Variants in STXBP5 observed in about 807,000 individuals in gnomAD.
STXBP5 encodes syntaxin-binding protein 5.
In STXBP5, 50 loss-of-function variants were observed where a neutral mutation model predicts 152.4. The ratio of observed to expected loss-of-function variants is 0.33; its 90% CI spans 0.26 to 0.42. The LOEUF is 0.42. STXBP5 is among the 10% of genes least tolerant of loss of function. The pLI is 1.00. For missense variants in STXBP5, 1,167 were observed against 1,388.6 expected, an observed-to-expected ratio of 0.84 and a Z score of 2.54; for synonymous variants, 492 against 494.7, an observed-to-expected ratio of 0.99 and a Z score of 0.07.
At chr6:147,209,028 T>G (rs1012718346) in intron 2 of STXBP5, among the ~76,000 whole-genome samples, 3 of 152,136 alleles carry the variant, frequency 2.0e-5, no homozygotes, top group African/African-American at 7.2e-5. Flanking sequence ...TTTAATAATG[T>G]TACTGTCTTT....
chr6:147,267,472 G>A (rs534903115), intron 7 of STXBP5, among the ~76,000 whole-genome samples: 5 of 152,054 alleles, frequency 3.3e-5, no homozygotes, highest in African/African-American at 7.2e-5. Flanking sequence ...TCTTTTGTAC[G>A]AATGATAGTA....
At position 147,296,636 on chromosome 6, in the gene STXBP5, G is replaced by A. The variant is rs536468225; in HGVS notation, c.917+5464G>A. Among the ~76,000 whole-genome samples the A allele has an allele frequency of 4.6e-5, 7 of 152,198 alleles. No individual in the cohort carries two copies. The South Asian group carries it at 1.5e-3, about 32-fold the overall frequency. On this transcript the variant is annotated intron_variant, in intron 9 of 27. Coordinates refer to ENST00000321680, the MANE Select transcript of STXBP5 (RefSeq NM_001127715.4). ...TTCTTCAGTGACAGAATCCAAAGAA[G>A]AGGAAATTTACAATATGCCCATAAA...
chr6:147,388,661 T>C lies in STXBP5; in HGVS notation c.*3906T>C, dbSNP rs970717031. ...TCACACATGAACAGGAAAGATATCA[T>C]TTCTATGCTTTAAAAAACCCTCTAT... On this transcript the variant is annotated 3_prime_UTR_variant, in exon 28 of 28. Coordinates refer to ENST00000321680, the MANE Select transcript of STXBP5 (RefSeq NM_001127715.4). 3 of 151,332 alleles carry C rather than the reference T, an allele frequency of 2.0e-5. No homozygotes were observed. The highest frequency in any genetic ancestry group is 4.4e-5 in the Non-Finnish European group (3 of 67,560). 9.4% of individuals were successfully genotyped at this position (151,332 alleles called of 1,614,324 possible).
intron 9 of STXBP5, among the ~76,000 whole-genome samples, chr6:147,301,703 T>C (rs566170743): frequency 1.4e-4 from 21 of 152,226 alleles, no homozygotes; most frequent in Non-Finnish European, 2.8e-4. Context: ...CCATTCACTT[T>C]CTTGTTTTTA....
chr6:147,341,355 A>G (rs1784084723), intron 21 of STXBP5, among the ~76,000 whole-genome samples: 1 of 152,168 alleles, frequency 6.6e-6, no homozygotes, highest in Non-Finnish European at 1.5e-5. Context: ...TTTGTGCATG[A>G]AGCTGTGGTG....
chr6:147,282,895 G>C (rs190645827), intron 8 of STXBP5, among the ~76,000 whole-genome samples: 78 of 152,186 alleles, frequency 5.1e-4, no homozygotes, highest in African/African-American at 1.8e-3. Flanking sequence ...TGCTAGACCA[G>C]GGGTGCCTTC....
At position 147,386,292 on chromosome 6, in the gene STXBP5, G is replaced by C. The variant is rs948395271; in HGVS notation, c.*1537G>C. ...TTGTTTTTTCATTAAGAGATAATCA[G>C]AGCACAAATTGATAGTAAACAGGAT... On this transcript the variant is annotated 3_prime_UTR_variant, in exon 28 of 28. Transcript: ENST00000321680. The C allele has an allele frequency of 6.6e-6, 1 of 151,732 alleles. No homozygotes were observed. Among genetic ancestry groups the C allele is most frequent in the Non-Finnish European group, 1.5e-5 (1 of 67,790 alleles). 9.4% of individuals were successfully genotyped at this position (151,732 alleles called of 1,614,324 possible).
In STXBP5 at chr6:147,219,075, G is replaced by T. The variant is rs138227923; in HGVS notation, c.248+13007G>T. On this transcript the variant is annotated intron_variant, in intron 2 of 27. Coordinates refer to ENST00000321680, the MANE Select transcript of STXBP5 (RefSeq NM_001127715.4). ...TGTTTTGCTATTAAGTGTGTTAGCT[G>T]TAGTTTTTATGTAGATGTTCTTTAT... is the stretch of plus-strand genomic sequence containing the variant. 6.1e-3 allele frequency among the ~76,000 whole-genome samples: 922 copies of T among 152,262 alleles called. 7 individuals carry two copies. Among genetic ancestry groups the T allele is most frequent in the Non-Finnish European group, 7.3e-3 (497 of 68,020 alleles).
At position 147,313,968 on chromosome 6, in the gene STXBP5, G is replaced by A; in HGVS notation, c.1230G>A (p.Val410=). The change falls in exon 12 of 28, where the codon GTG becomes GTA. Residue 410 remains valine, a synonymous_variant. Coordinates refer to ENST00000321680, the MANE Select transcript of STXBP5 (RefSeq NM_001127715.4). ...TCCEYFADCP[V]DLIPALYSVG... is the part of the protein sequence containing the mutation. ...GCGAATATTTTGCGGATTGTCCTGT[G>A]GACCTTATTCCTGCACTTTATTCTG... 6.2e-7 allele frequency: 1 copy of A among 1,605,082 alleles called. No homozygotes were observed. Among genetic ancestry groups the A allele is most frequent in the Non-Finnish European group, 8.5e-7 (1 of 1,174,144 alleles).
intron 2 of STXBP5, among the ~76,000 whole-genome samples, chr6:147,220,955 G>A (rs934134304): frequency 4.6e-5 from 7 of 151,922 alleles, no homozygotes; most frequent in South Asian, 2.1e-4. Context: ...TTTGTTTCCC[G>A]TTCTTTTTAT....
chr6:147,287,567 A>C (rs1481100013), intron 8 of STXBP5, among the ~76,000 whole-genome samples: 1 of 152,162 alleles, frequency 6.6e-6, no homozygotes, highest in African/African-American at 2.4e-5. Context: ...TTTGCATCTT[A>C]ATCACTGTAC....
intron 2 of STXBP5, among the ~76,000 whole-genome samples, chr6:147,213,483 C>CGCGT (rs1562412511): frequency 7.9e-6 from 1 of 126,880 alleles, no homozygotes; most frequent in African/African-American, 3.5e-5. Flanking sequence ...TGTGTGCGCG[C>CGCGT]GCATATATAT....
chr6:147,233,527 CA>C, intron 2 of STXBP5, among the ~76,000 whole-genome samples: 1 of 151,678 alleles, frequency 6.6e-6, no homozygotes, highest in South Asian at 2.1e-4. Flanking sequence ...TTAAAAAAAT[CA>C]ACTTATTCAT....
intron 8 of STXBP5, among the ~76,000 whole-genome samples, chr6:147,278,571 A>T (rs934838334): frequency 6.6e-6 from 1 of 152,168 alleles, no homozygotes; most frequent in African/African-American, 2.4e-5. Flanking sequence ...TATATAAATA[A>T]CAGTGAACTT....
chr6:147,299,833 A>C (rs1221904104), intron 9 of STXBP5, among the ~76,000 whole-genome samples: 2 of 152,080 alleles, frequency 1.3e-5, no homozygotes, highest in Non-Finnish European at 2.9e-5. Flanking sequence ...GCAATTAAGC[A>C]AGACAAAGCC....
At chr6:147,275,069 A>G (rs1780371493) in intron 7 of STXBP5, among the ~76,000 whole-genome samples, 1 of 152,184 alleles carries the variant, frequency 6.6e-6, no homozygotes, top group South Asian at 2.1e-4. Flanking sequence ...TCTTCCTAGA[A>G]AATTATTCTA....
chr6:147,298,687 A>T (rs1358192112), intron 9 of STXBP5, among the ~76,000 whole-genome samples: 4 of 152,098 alleles, frequency 2.6e-5, no homozygotes, highest in Non-Finnish European at 4.4e-5. Context: ...AAACTTTGGA[A>T]ACTGTAAAAA....
intron 8 of STXBP5, among the ~76,000 whole-genome samples, chr6:147,281,902 T>G (rs1310421467): frequency 1.3e-5 from 2 of 152,238 alleles, no homozygotes; most frequent in African/African-American, 4.8e-5. Context: ...AGGAAGTCAT[T>G]TAACATTTTT....
intron 2 of STXBP5, among the ~76,000 whole-genome samples, chr6:147,215,310 G>A (rs560892947): frequency 1.3e-5 from 2 of 152,304 alleles, no homozygotes; most frequent in East Asian, 3.9e-4. Context: ...TTCATTAGTA[G>A]CACTTGTTAC....
Sources: allele counts gnomAD v4.1 joint callset (sites outside exome capture counted in the v4.1 genomes callset), GRCh38; gene constraint gnomAD v4.1.1; transcripts MANE v1.5; gene names NCBI Gene and HGNC (gene_info 2026-07-23, HGNC 2026-07-21).